Variants in MGAT5B observed in about 807,000 individuals in gnomAD.
MGAT5B encodes the protein N-acetylglucosaminyl-transferase Vb.
MGAT5B carries 54 observed loss-of-function variants against 95.1 expected under a neutral mutation model. The ratio of observed to expected loss-of-function variants is 0.57; its 90% CI spans 0.46 to 0.71. The LOEUF is 0.71. Ranked by LOEUF, MGAT5B falls within the 30% of genes least tolerant of loss-of-function variation. The pLI, the probability that MGAT5B is intolerant of heterozygous loss-of-function variation, is 0.00. For missense variants in MGAT5B, 935 were observed against 1,088.6 expected (o/e 0.86, Z 1.99); for synonymous variants, 464 against 451.0 (o/e 1.03, Z -0.36).
intron 3 of MGAT5B, among the ~76,000 whole-genome samples, chr17:76,898,450 T>A (rs1968181177): frequency 6.6e-6 from 1 of 150,764 alleles, no homozygotes; most frequent in South Asian, 2.1e-4. Flanking sequence ...TGCCTCAGCC[T>A]CCTGAGTAGC....
At position 76,930,610 on chromosome 17, in the gene MGAT5B, C is replaced by A. The variant is rs1368068834; in HGVS notation, c.1292-2035C>A. Among the ~76,000 whole-genome samples the A allele has an allele frequency of 6.6e-6, 1 of 152,186 alleles. No individual in the cohort carries two copies. The highest frequency in any genetic ancestry group is 1.5e-5 in the Non-Finnish European group (1 of 68,026). ...TCGTAGGTCTCATGTTCCTCTTAAC[C>A]CCTCCGTGGCGGACAGAGCTTTAGC... is the stretch of plus-strand genomic sequence containing the variant. On this transcript the variant is annotated intron_variant, in intron 10 of 17. Transcript: ENST00000569840. This position sits in a 1 kb window ranked among gnomAD's most constrained non-coding sequence, Gnocchi z 4.1.
chr17:76,908,508 T>G (rs896473132), intron 8 of MGAT5B, among the ~76,000 whole-genome samples: 1 of 152,020 alleles, frequency 6.6e-6, no homozygotes, highest in South Asian at 2.1e-4. Flanking sequence ...CTCAAGAAAT[T>G]CGCCTACCTC....
rs1294097743 is a variant in MGAT5B at position 76,903,325 on chromosome 17, G to C, written c.468G>C (p.Gln156His). Reference protein sequence around the residue: ...HSKVSEGRRDQCEAPSDPKFP... With the variant: ...HSKVSEGRRDHCEAPSDPKFP... Reference sequence around the variant, plus strand: ...CAGTGTCAGAAGGCCGGCGGGACCAGTGTGAGGCACCCAGTGACCCCAAGT... The same window carrying C: ...CAGTGTCAGAAGGCCGGCGGGACCACTGTGAGGCACCCAGTGACCCCAAGT... The change falls in exon 5 of 18, where the codon CAG (glutamine) becomes CAC (histidine). Residue 156 changes from glutamine to histidine, a missense_variant. Coordinates refer to ENST00000569840, the MANE Select transcript of MGAT5B (RefSeq NM_001199172.2). The C allele has an allele frequency of 3.1e-6, 5 of 1,611,184 alleles. No homozygotes were observed. Among genetic ancestry groups the C allele is most frequent in the Middle Eastern group, 3.3e-4 (2 of 6,080 alleles).
At chr17:76,887,980 C>A (rs1967723154) in intron 3 of MGAT5B, among the ~76,000 whole-genome samples, 1 of 152,102 alleles carries the variant, frequency 6.6e-6, no homozygotes, top group Admixed American at 6.5e-5. Flanking sequence ...CCATGCCTGG[C>A]CCCATGTCCC....
In MGAT5B at chr17:76,916,981, G is replaced by T. The variant is rs556126076; in HGVS notation, c.1026-7985G>T. Among the ~76,000 whole-genome samples, 3 of 152,100 alleles carry T rather than the reference G, an allele frequency of 2.0e-5. No homozygotes were observed. Among genetic ancestry groups the T allele is most frequent in the African/African-American group, 7.2e-5 (3 of 41,398 alleles). On this transcript the variant is annotated intron_variant, in intron 8 of 17. Coordinates refer to ENST00000569840, the MANE Select transcript of MGAT5B (RefSeq NM_001199172.2). This position sits in a 1 kb window ranked among gnomAD's most constrained non-coding sequence, Gnocchi z 5.3. ...GGGGCTTTTTATTCTGGGTGAAGCC[G>T]GCAGAAGCACAGGGTGGTACGAATA...
In MGAT5B at chr17:76,902,568, G is replaced by A. The variant is rs1398301711; in HGVS notation, c.343G>A (p.Ala115Thr). 1.9e-6 allele frequency: 3 copies of A among 1,594,496 alleles called. No homozygotes were observed. Among genetic ancestry groups the A allele is most frequent in the Non-Finnish European group, 2.6e-6 (3 of 1,169,800 alleles). Reference protein sequence around the residue: ...HFPADRMPPGAGLMERIQAIA... With the variant: ...HFPADRMPPGTGLMERIQAIA... ...TTTCCCACTTAGGATGCCCCCTGGG[G>A]CCGGCCTCATGGAGCGGATCCAGGC... The change falls in exon 4 of 18, where the codon GCC becomes ACC. Residue 115 changes from alanine (A) to threonine (T), a missense_variant. Coordinates refer to ENST00000569840, the MANE Select transcript of MGAT5B (RefSeq NM_001199172.2).
intron 10 of MGAT5B, among the ~76,000 whole-genome samples, chr17:76,932,202 A>G (rs989347703): frequency 2.7e-4 from 41 of 150,606 alleles, no homozygotes; most frequent in African/African-American, 9.5e-4. Context: ...ATCATAGCTC[A>G]GCTCACTGCA....
In MGAT5B at chr17:76,926,695, G is replaced by A. The variant is rs1447597702; in HGVS notation, c.1256G>A (p.Trp419Ter). The A allele has an allele frequency of 6.2e-7, 1 of 1,612,762 alleles. No individual in the cohort carries two copies. Among genetic ancestry groups the A allele is most frequent in the Admixed American group, 1.7e-5 (1 of 60,026 alleles). Residue 419 changes from tryptophan to a stop codon, truncating the protein, a stop_gained, in exon 10 of 18, where the codon TGG becomes TAG. Transcript: ENST00000569840. LOFTEE classifies it high-confidence loss of function. Reference sequence around the variant, plus strand: ...GGCTACCGGACCAACTGGGGCTACTGGAACCTCAACCCCAAGCAGTTCATG... The same window carrying A: ...GGCTACCGGACCAACTGGGGCTACTAGAACCTCAACCCCAAGCAGTTCATG... ...LHGYRTNWGY[W>*]NLNPKQFMTM...
chr17:76,944,857 A>C (rs1397414895), intron 15 of MGAT5B, among the ~76,000 whole-genome samples: 2 of 152,172 alleles, frequency 1.3e-5, no homozygotes, highest in African/African-American at 2.4e-5. Context: ...TTCTAGCACC[A>C]CCCAACGCTG....
At chr17:76,879,047 C>T (rs1216446766) in intron 2 of MGAT5B, among the ~76,000 whole-genome samples, 4 of 152,228 alleles carry the variant, frequency 2.6e-5, no homozygotes, top group Non-Finnish European at 5.9e-5. Context: ...GCTGCAGCCT[C>T]CACTTTGTTG....
intron 3 of MGAT5B, 87 bp downstream of exon 3, chr17:76,882,385 T>A: frequency 6.9e-7 from 1 of 1,454,688 alleles, no homozygotes; most frequent in Non-Finnish European, 9.2e-7. Context: ...CATCTCCTTT[T>A]GTGAATCTGG....
At chr17:76,897,665 CTTTCTTTCTTTCT>C (rs1567800114) in intron 3 of MGAT5B, among the ~76,000 whole-genome samples, 21 of 51,178 alleles carry the variant, frequency 4.1e-4, no homozygotes, top group South Asian at 7.9e-4. Context: ...AGGCCACTTT[CTTTCTTTCTTTCT>C]TTCTTTCTTT....
chr17:76,881,920 A>T (rs1490409304), intron 2 of MGAT5B, among the ~76,000 whole-genome samples: 1 of 152,254 alleles, frequency 6.6e-6, no homozygotes, highest in Non-Finnish European at 1.5e-5. Flanking sequence ...CTAGTGGGCA[A>T]CGGGGCTGCC....
At chr17:76,882,705 CTTTTTTTTTTT>C (rs763528809) in intron 3 of MGAT5B, among the ~76,000 whole-genome samples, 9 of 70,178 alleles carry the variant, frequency 1.3e-4, no homozygotes, top group Non-Finnish European at 1.7e-4. Flanking sequence ...TCCACTGCCC[CTTTTTTTTTTT>C]TTTTTTTTTT....
At chr17:76,943,330 C>G (rs368314869) in intron 15 of MGAT5B, among the ~76,000 whole-genome samples, 1 of 152,134 alleles carries the variant, frequency 6.6e-6, no homozygotes, top group African/African-American at 2.4e-5. Flanking sequence ...CCCAAACCAA[C>G]GGAGGCCCCT....
chr17:76,884,520 G>A (rs1967548852), intron 3 of MGAT5B, among the ~76,000 whole-genome samples: 1 of 151,896 alleles, frequency 6.6e-6, no homozygotes, highest in Non-Finnish European at 1.5e-5. Flanking sequence ...TGCAACCTCC[G>A]CCTCCTGGGT....
chr17:76,882,576 TGTAA>T (rs1197964541), intron 3 of MGAT5B: 8 of 362,160 alleles, frequency 2.2e-5, no homozygotes, highest in African/African-American at 1.0e-4. Flanking sequence ...CTGAATTTGC[TGTAA>T]GTTTTTCCAG....
intron 2 of MGAT5B, among the ~76,000 whole-genome samples, chr17:76,874,840 C>A (rs1967128798): frequency 6.6e-6 from 1 of 151,992 alleles, no homozygotes; most frequent in Non-Finnish European, 1.5e-5. Flanking sequence ...GGGTCCAACC[C>A]CAGCTGCAGG....
At chr17:76,932,094 C>A (rs1021200753) in intron 10 of MGAT5B, among the ~76,000 whole-genome samples, 1 of 129,568 alleles carries the variant, frequency 7.7e-6, no homozygotes, top group African/African-American at 2.9e-5. Context: ...CTCCCCCCCC[C>A]CTTCTTCGTC....
Sources: gnomAD v4.1 joint callset for allele counts (sites outside exome capture counted in the v4.1 genomes callset) on GRCh38, gnomAD v4.1.1 for gene constraint, Gnocchi (gnomAD v3.1) non-coding constraint, MANE v1.5 for transcripts, NCBI Gene and HGNC (gene_info 2026-07-23, HGNC 2026-07-21) for gene names.